Variants in VXN observed in about 807,000 individuals in gnomAD.
VXN encodes uncharacterized protein C8orf46.
A neutral mutation model predicts 23.1 loss-of-function variants in VXN; 7 were observed. The observed-to-expected ratio is 0.30, with a 90% CI of 0.17 to 0.57. VXN has a LOEUF of 0.57. VXN is among the 20% of genes least tolerant of loss of function. The pLI, the probability that VXN is intolerant of heterozygous loss-of-function variation, is 0.91. For synonymous variants in VXN, 120 were observed against 105.8 expected, an observed-to-expected ratio of 1.13 and a Z score of -0.83; for missense variants, 238 against 272.6, an observed-to-expected ratio of 0.87 and a Z score of 0.89.
chr8:66,507,894 G>T (rs868743977), intron 3 of VXN, among the ~76,000 whole-genome samples: 52 of 152,170 alleles, frequency 3.4e-4, no homozygotes, highest in African/African-American at 1.2e-3. Flanking sequence ...TTTTTTCCTG[G>T]GCCATAGAAG....
chr8:66,496,704 C>A (rs1417774011), intron 2 of VXN, among the ~76,000 whole-genome samples: 5 of 152,188 alleles, frequency 3.3e-5, no homozygotes, highest in Non-Finnish European at 7.3e-5. Flanking sequence ...ACCACTTATT[C>A]TGCCATTTTC....
At chr8:66,505,154 G>T in intron 2 of VXN, 1 of 700,490 alleles carries the variant, frequency 1.4e-6, no homozygotes, top group Admixed American at 2.0e-5. Flanking sequence ...TCATTTGCTT[G>T]CCCCATGGCA....
intron 2 of VXN, among the ~76,000 whole-genome samples, chr8:66,502,806 A>G (rs1807705934): frequency 6.6e-6 from 1 of 152,036 alleles, no homozygotes; most frequent in Non-Finnish European, 1.5e-5. Flanking sequence ...AACCAATTGC[A>G]CTTGCACTTG....
intron 2 of VXN, among the ~76,000 whole-genome samples, chr8:66,499,999 T>G (rs1362600635): frequency 6.6e-6 from 1 of 152,146 alleles, no homozygotes; most frequent in African/African-American, 2.4e-5. Context: ...AGTGCTGAGA[T>G]TACAGGCCTG....
chr8:66,504,391 G>A (rs189949240), intron 2 of VXN, among the ~76,000 whole-genome samples: 2 of 151,964 alleles, frequency 1.3e-5, no homozygotes, highest in Non-Finnish European at 2.9e-5. Context: ...TGATGAAAGG[G>A]CTGCCCACCA....
chr8:66,497,800 AAGGTTAGCT>A (rs2130541793), intron 2 of VXN, among the ~76,000 whole-genome samples: 1 of 152,274 alleles, frequency 6.6e-6, no homozygotes, highest in South Asian at 2.1e-4. Flanking sequence ...GTTGAAGCAG[AAGGTTAGCT>A]AGAGCCCAAG....
chr8:66,506,229 GAC>G (rs1252014055), intron 3 of VXN, among the ~76,000 whole-genome samples: 54 of 135,042 alleles, frequency 4.0e-4, no homozygotes, highest in African/African-American at 6.4e-4. Context: ...GAGAGAGAGA[GAC>G]AGTGTGTGTG....
chr8:66,508,184 C>T (rs543625899), intron 3 of VXN, among the ~76,000 whole-genome samples: 1 of 152,224 alleles, frequency 6.6e-6, no homozygotes, highest in East Asian at 1.9e-4. Context: ...CCCCTAATGC[C>T]TCCTTGTCCT....
At position 66,493,737 on chromosome 8, in the gene VXN, G is replaced by A. The variant is rs201079618; in HGVS notation, c.70+19G>A. On this transcript the variant is annotated intron_variant, in intron 1 of 5. Coordinates refer to ENST00000305454, the MANE Select transcript of VXN (RefSeq NM_152765.4). ...TCCAAGGGTGAGTGAAATTGCCCTT[G>A]ACTGTTTCCTTAACGTGGCATCTTA... 1.5e-5 allele frequency: 24 copies of A among 1,608,228 alleles called. No individual in the cohort carries two copies. The African/African-American group carries it at 2.4e-4, about 16-fold the overall frequency.
At chr8:66,499,002 T>A (rs114597908) in intron 2 of VXN, 143 of 196,296 alleles carry the variant, frequency 7.3e-4, no homozygotes, top group African/African-American at 2.4e-3. Context: ...GCAAGTTGCT[T>A]AGCTATTGTG....
chr8:66,503,138 G>A (rs1484064925), intron 2 of VXN, among the ~76,000 whole-genome samples: 6 of 152,090 alleles, frequency 3.9e-5, no homozygotes, highest in Non-Finnish European at 5.9e-5. Context: ...AAGCCACTGC[G>A]CCCAGCCTGA....
intron 4 of VXN, among the ~76,000 whole-genome samples, chr8:66,510,849 A>C (rs377018533): frequency 1.1e-3 from 169 of 152,272 alleles, no homozygotes; most frequent in African/African-American, 3.9e-3. Context: ...TCATGACCTC[A>C]TCTAAACCTA....
intron 2 of VXN, chr8:66,505,076 G>A (rs1349659515): frequency 9.9e-6 from 5 of 504,904 alleles, no homozygotes; most frequent in African/African-American, 3.9e-5. Flanking sequence ...TCTCTGGCCT[G>A]ATGGCCCAGG....
intron 4 of VXN, among the ~76,000 whole-genome samples, chr8:66,512,561 G>T (rs1054476161): frequency 1.3e-5 from 2 of 152,160 alleles, no homozygotes; most frequent in African/African-American, 2.4e-5. Context: ...TTAGGCCATT[G>T]GTTAATTTTC....
In VXN at chr8:66,502,342, A is replaced by C. The variant is rs956383096; in HGVS notation, c.127-3033A>C. Among the ~76,000 whole-genome samples the C allele has an allele frequency of 2.0e-5, 3 of 152,246 alleles. No individual in the cohort carries two copies. In the East Asian group the frequency reaches 5.8e-4, roughly 29 times the overall value. On this transcript the variant is annotated intron_variant, in intron 2 of 5. Coordinates refer to ENST00000305454, the MANE Select transcript of VXN (RefSeq NM_152765.4). ...GAAGATTCGTGGCCCCTTCAGAATA[A>C]GCAGGCGGTCAGCCATCAGAAAAGA... is the stretch of plus-strand genomic sequence containing the variant.
chr8:66,516,436 G>A lies in VXN; in HGVS notation c.*360G>A, dbSNP rs1288978304. 3.1e-5 allele frequency: 5 copies of A among 161,848 alleles called. No individual in the cohort carries two copies. Among genetic ancestry groups the A allele is most frequent in the Non-Finnish European group, 4.0e-5 (3 of 74,730 alleles). 10.0% of individuals were successfully genotyped at this position (161,848 alleles called of 1,614,324 possible). On this transcript the variant is annotated 3_prime_UTR_variant, in exon 6 of 6. Transcript: ENST00000305454. ...TTCCTTGTGAGTTGCTCTAAAGTGT[G>A]TGATTTTCTAGTGTAAATGGACTTT...
Position 66,513,572 on chromosome 8 carries a change from T to C in VXN, c.375T>C (p.Thr125=). 1 of 1,614,148 alleles carries C rather than the reference T, an allele frequency of 6.2e-7. No individual in the cohort carries two copies. Residue 125 remains threonine (T), a synonymous_variant, in exon 5 of 6, where the codon ACT becomes ACC. Coordinates refer to ENST00000305454, the MANE Select transcript of VXN (RefSeq NM_152765.4). ...CAGTGCCCCGGATCTCAGTGAAAAC[T>C]TCAGCCTCTGCCTCATTGGAGGCGA... ...IPPVPRISVK[T]SASASLEATA... is the part of the protein sequence containing the mutation.
At chr8:66,502,835 T>G (rs1158819776) in intron 2 of VXN, among the ~76,000 whole-genome samples, 1 of 150,130 alleles carries the variant, frequency 6.7e-6, no homozygotes, top group East Asian at 1.9e-4. Flanking sequence ...TATCTGGATG[T>G]AGGCTGTTCT....
At position 66,517,081 on chromosome 8, in the gene VXN, G is replaced by T. The variant is rs1360453021; in HGVS notation, c.*1005G>T. On this transcript the variant is annotated 3_prime_UTR_variant, in exon 6 of 6. Transcript: ENST00000305454. ...TGAAATACACTATTATATCTTATATGTTAGCTTGAACCAGAAAAAGTTGAC... is the reference window on the plus strand; with the variant it reads ...TGAAATACACTATTATATCTTATATTTTAGCTTGAACCAGAAAAAGTTGAC... The T allele has an allele frequency of 3.3e-5, 5 of 152,206 alleles. No homozygotes were observed. Among genetic ancestry groups the T allele is most frequent in the Admixed American group, 3.3e-4 (5 of 15,284 alleles). The allele number at this position is 152,206 out of a possible 1,614,324, so 9.4% of individuals were successfully genotyped here.
Sources: allele counts gnomAD v4.1 joint callset (sites outside exome capture counted in the v4.1 genomes callset), GRCh38; gene constraint gnomAD v4.1.1; transcripts MANE v1.5; gene names NCBI Gene and HGNC (gene_info 2026-07-23, HGNC 2026-07-21).